HK1: variants seen among roughly 807,000 people sequenced by gnomAD.
HK1 encodes the protein hexokinase-1.
HK1 carries 28 observed loss-of-function variants against 91.6 expected under a neutral mutation model. The observed-to-expected ratio is 0.31, with a 90% CI of 0.23 to 0.42. The LOEUF is 0.42. Ranked by LOEUF, HK1 falls within the 10% of genes least tolerant of loss-of-function variation. The pLI, the probability that HK1 is intolerant of heterozygous loss-of-function variation, is 1.00. For missense variants in HK1, 770 were observed against 1,219.8 expected, an observed-to-expected ratio of 0.63 and a Z score of 5.49; for synonymous variants, 430 against 468.1, an observed-to-expected ratio of 0.92 and a Z score of 1.05.
At chr10:69,373,297 C>T (rs1331223678) in intron 7 of HK1, among the ~76,000 whole-genome samples, 1 of 152,224 alleles carries the variant, frequency 6.6e-6, no homozygotes, top group African/African-American at 2.4e-5. Context: ...AACTGAGTAC[C>T]TACTGTATAC....
chr10:69,347,414 T>C (rs971168919), intron 2 of HK1, among the ~76,000 whole-genome samples: 3 of 151,378 alleles, frequency 2.0e-5, no homozygotes, highest in African/African-American at 4.9e-5. Context: ...GTACCGGTTC[T>C]CTTTGGAAAT....
intron 1 of HK1, among the ~76,000 whole-genome samples, chr10:69,274,661 A>T (rs1361297433): frequency 1.3e-5 from 2 of 151,600 alleles, no homozygotes; most frequent in African/African-American, 2.4e-5. Flanking sequence ...CCCTTTTTTC[A>T]AGCAGCCTTC....
At chr10:69,350,683 CAT>C (rs993074609) in intron 2 of HK1, among the ~76,000 whole-genome samples, 6 of 151,818 alleles carry the variant, frequency 4.0e-5, no homozygotes, top group Admixed American at 3.9e-4. Context: ...CAAACAAAAA[CAT>C]GAAATAAATA....
Position 69,369,974 on chromosome 10 carries a change from G to C in HK1, c.875+350G>C, listed in dbSNP as rs141974518. On this transcript the variant is annotated intron_variant, in intron 7 of 17. Transcript: ENST00000359426. This position sits in a 1 kb window ranked among gnomAD's most constrained non-coding sequence, Gnocchi z 4.4. The stretch of plus-strand genomic sequence containing the variant: ...GCTGGTCTCAAACTCCTGACTTCAA[G>C]CGATCTGCCTGCCTCAGCCTCCCAA... Among the ~76,000 whole-genome samples the C allele has an allele frequency of 0.015, 2,319 of 152,266 alleles. 21 individuals are homozygous for C. The highest frequency in any genetic ancestry group is 0.054 in the Middle Eastern group (16 of 294).
intron 1 of HK1, among the ~76,000 whole-genome samples, chr10:69,332,157 G>T (rs576433102): frequency 6.6e-6 from 1 of 152,166 alleles, no homozygotes; most frequent in African/African-American, 2.4e-5. Flanking sequence ...TCTTCCTGTT[G>T]GACAGTGCTC....
chr10:69,275,382 A>T (rs777499633), intron 1 of HK1, among the ~76,000 whole-genome samples: 6 of 146,146 alleles, frequency 4.1e-5, no homozygotes, highest in Non-Finnish European at 9.3e-5. Flanking sequence ...CATAAAAAAT[A>T]AAATTTAAAA....
At chr10:69,335,327 C>G (rs1386540649) in intron 1 of HK1, among the ~76,000 whole-genome samples, 2 of 152,198 alleles carry the variant, frequency 1.3e-5, no homozygotes, top group Admixed American at 1.3e-4. Flanking sequence ...GGGGAAGGAG[C>G]AGATCGGACA....
chr10:69,289,274 T>C (rs929985925), intron 3 of HK1, among the ~76,000 whole-genome samples: 27 of 152,230 alleles, frequency 1.8e-4, no homozygotes, highest in African/African-American at 6.5e-4. Context: ...ACTTGTGTTC[T>C]GACCAAGGGA....
chr10:69,298,418 GGTCTTGAGAAC>G (rs1845678731), intron 4 of HK1, among the ~76,000 whole-genome samples: 1 of 151,600 alleles, frequency 6.6e-6, no homozygotes, highest in Non-Finnish European at 1.5e-5. Context: ...TTGAGGCCAG[GGTCTTGAGAAC>G]ATCCTGGGCA....
chr10:69,360,528 T>C (rs1038442372), intron 3 of HK1, among the ~76,000 whole-genome samples: 1 of 152,352 alleles, frequency 6.6e-6, no homozygotes, highest in South Asian at 2.1e-4. Flanking sequence ...TGGGGGCTTC[T>C]TGTTACCTGA....
upstream of HK1, among the ~76,000 whole-genome samples, chr10:69,314,630 T>C (rs2132547678): frequency 6.6e-6 from 1 of 152,210 alleles, no homozygotes; most frequent in Non-Finnish European, 1.5e-5. Flanking sequence ...TTTTTTCTTT[T>C]TCTTCTTTCC....
At chr10:69,283,466 T>A (rs1844865025) in intron 2 of HK1, among the ~76,000 whole-genome samples, 1 of 143,336 alleles carries the variant, frequency 7.0e-6, no homozygotes, top group Middle Eastern at 3.6e-3. Context: ...ATAATAATAA[T>A]AATAATATAA....
intron 4 of HK1, among the ~76,000 whole-genome samples, chr10:69,367,589 C>T (rs1334992855): frequency 6.6e-6 from 1 of 152,212 alleles, no homozygotes; most frequent in Middle Eastern, 3.4e-3. Context: ...GAGCAAAGAA[C>T]CACCAGTTCT....
intron 16 of HK1, among the ~76,000 whole-genome samples, chr10:69,396,133 G>A (rs149354838): frequency 7.2e-5 from 11 of 152,046 alleles, no homozygotes; most frequent in Admixed American, 2.6e-4. Flanking sequence ...CTAGCCGGGC[G>A]TGGTGGCACA....
chr10:69,322,749 G>C (rs1024997770), intron 1 of HK1, among the ~76,000 whole-genome samples: 6 of 151,936 alleles, frequency 3.9e-5, no homozygotes, highest in Non-Finnish European at 5.9e-5. Context: ...AATTAGCTGG[G>C]TGTGGTGGCG....
upstream of HK1, chr10:69,318,128 G>C: frequency 6.1e-6 from 6 of 985,448 alleles, no homozygotes; most frequent in Non-Finnish European, 6.0e-6. Context: ...GGTGACTCGG[G>C]GGCGGGTGCT....
chr10:69,319,188 C>CTG, intron 1 of HK1, 178 bp downstream of exon 1: 1 of 768,842 alleles, frequency 1.3e-6, no homozygotes. Flanking sequence ...GTCAGTGTCT[C>CTG]TGTGTGTGTG....
At chr10:69,374,547 T>A (rs920784932) in intron 7 of HK1, among the ~76,000 whole-genome samples, 1 of 152,260 alleles carries the variant, frequency 6.6e-6, no homozygotes, top group Non-Finnish European at 1.5e-5. Context: ...TAATTTCACT[T>A]GAGCAGATGG....
At chr10:69,352,353 G>A (rs1848921086) in intron 2 of HK1, among the ~76,000 whole-genome samples, 2 of 152,236 alleles carry the variant, frequency 1.3e-5, no homozygotes, top group Middle Eastern at 3.4e-3. Flanking sequence ...ACTCCAATGG[G>A]AGCCCAAAGA....
Sources: gnomAD v4.1 joint callset for allele counts (sites outside exome capture counted in the v4.1 genomes callset) on GRCh38, gnomAD v4.1.1 for gene constraint, Gnocchi (gnomAD v3.1) non-coding constraint, MANE v1.5 for transcripts, NCBI Gene and HGNC (gene_info 2026-07-23, HGNC 2026-07-21) for gene names.